Variants in TRAPPC9 observed in about 807,000 individuals in gnomAD.
The protein encoded by TRAPPC9 is trafficking protein particle complex subunit 9.
A neutral mutation model predicts 124.0 loss-of-function variants in TRAPPC9; 83 were observed. The ratio of observed to expected loss-of-function variants is 0.67; its 90% CI spans 0.56 to 0.80. TRAPPC9 has a LOEUF of 0.80. Ranked by LOEUF, TRAPPC9 falls within the 30% of genes least tolerant of loss-of-function variation. The pLI is 0.00. For missense variants in TRAPPC9, 1,302 were observed against 1,508.3 expected (o/e 0.86, Z 2.27); for synonymous variants, 638 against 617.5 (o/e 1.03, Z -0.49).
intron 20 of TRAPPC9, among the ~76,000 whole-genome samples, chr8:139,899,660 T>A (rs1365898949): frequency 4.6e-5 from 7 of 152,100 alleles, no homozygotes; most frequent in Non-Finnish European, 1.0e-4. Context: ...AGAGGCCCCA[T>A]CCCATCTTCC....
At chr8:140,188,596 C>T (rs2062402936) in intron 17 of TRAPPC9, among the ~76,000 whole-genome samples, 1 of 152,230 alleles carries the variant, frequency 6.6e-6, no homozygotes, top group African/African-American at 2.4e-5. Context: ...CCCGACCACA[C>T]TGGCCTATCC....
At chr8:139,988,677 G>A (rs1837419313) in intron 19 of TRAPPC9, 49 bp downstream of exon 19, 1 of 1,283,354 alleles carries the variant, frequency 7.8e-7, no homozygotes, top group Non-Finnish European at 1.1e-6. Context: ...GCAGCGTGGT[G>A]AAGGCAGAGG....
At chr8:140,345,117 C>A (rs549527368) in intron 9 of TRAPPC9, among the ~76,000 whole-genome samples, 2 of 152,390 alleles carry the variant, frequency 1.3e-5, no homozygotes, top group South Asian at 4.1e-4. Context: ...GAAGTACAGG[C>A]ACCATGAATG....
chr8:140,113,866 T>G (rs1412731447), intron 17 of TRAPPC9, among the ~76,000 whole-genome samples: 1 of 152,188 alleles, frequency 6.6e-6, no homozygotes, highest in Non-Finnish European at 1.5e-5. Flanking sequence ...ACCCTCTACA[T>G]GTCCACATTA....
intron 21 of TRAPPC9, among the ~76,000 whole-genome samples, chr8:139,846,187 A>G (rs1179580976): frequency 2.0e-5 from 3 of 152,254 alleles, no homozygotes; most frequent in Admixed American, 6.5e-5. Context: ...GAAGCGGTAG[A>G]GGCTGTGTGA....
At chr8:139,885,577 G>A (rs1270455006) in intron 21 of TRAPPC9, among the ~76,000 whole-genome samples, 1 of 152,210 alleles carries the variant, frequency 6.6e-6, no homozygotes, top group Non-Finnish European at 1.5e-5. Context: ...TACACCAAGT[G>A]CAAGTCAAGA....
intron 19 of TRAPPC9, among the ~76,000 whole-genome samples, chr8:139,917,619 AC>A (rs903449690): frequency 1.3e-5 from 2 of 152,132 alleles, no homozygotes; most frequent in African/African-American, 2.4e-5. Flanking sequence ...CTGTGGGCCC[AC>A]CCCGCTGCCA....
chr8:140,068,608 C>A (rs1384406536), intron 17 of TRAPPC9, among the ~76,000 whole-genome samples: 1 of 152,142 alleles, frequency 6.6e-6, no homozygotes, highest in Admixed American at 6.5e-5. Context: ...GAAATCAGGC[C>A]GCTAGTTAAA....
chr8:140,454,113 A>C (rs1449083055), intron 1 of TRAPPC9, among the ~76,000 whole-genome samples: 1 of 151,606 alleles, frequency 6.6e-6, no homozygotes, highest in Non-Finnish European at 1.5e-5. Flanking sequence ...ACATGACAAA[A>C]CCCCATCTCT....
At chr8:140,311,669 G>A (rs2066302517) in intron 9 of TRAPPC9, among the ~76,000 whole-genome samples, 1 of 152,182 alleles carries the variant, frequency 6.6e-6, no homozygotes, top group Non-Finnish European at 1.5e-5. Context: ...AAGAAAGTCT[G>A]TAGGCAGGAC....
chr8:140,356,958 T>C (rs1033726364), intron 9 of TRAPPC9, among the ~76,000 whole-genome samples: 2 of 152,044 alleles, frequency 1.3e-5, no homozygotes, highest in Non-Finnish European at 2.9e-5. Context: ...AGAATCAACT[T>C]CCCCATAAGC....
intron 17 of TRAPPC9, among the ~76,000 whole-genome samples, chr8:140,051,330 C>T (rs905728015): frequency 3.9e-5 from 6 of 152,186 alleles, no homozygotes; most frequent in African/African-American, 7.2e-5. Context: ...ATCTGAACCC[C>T]GGGGGTTCCT....
At chr8:139,880,228 C>T (rs1167115357) in intron 21 of TRAPPC9, among the ~76,000 whole-genome samples, 1 of 152,142 alleles carries the variant, frequency 6.6e-6, no homozygotes, top group Non-Finnish European at 1.5e-5. Flanking sequence ...CAGGGACCAA[C>T]CCAGGTGTGC....
chr8:139,986,911 T>A (rs1191239641), intron 19 of TRAPPC9, among the ~76,000 whole-genome samples: 3 of 152,192 alleles, frequency 2.0e-5, no homozygotes, highest in Non-Finnish European at 4.4e-5. Flanking sequence ...AGTTTTTCCA[T>A]CGTAAATTGG....
intron 5 of TRAPPC9, among the ~76,000 whole-genome samples, chr8:140,415,680 AAAAACAGGCCAGGT>A (rs761433957): frequency 3.4e-4 from 52 of 151,754 alleles, no homozygotes; most frequent in Non-Finnish European, 7.1e-4. Context: ...TACATTTTTT[AAAAACAGGCCAGGT>A]GCAGTGGCTC....
intron 9 of TRAPPC9, among the ~76,000 whole-genome samples, chr8:140,312,056 G>A (rs1000151121): frequency 6.6e-6 from 1 of 152,184 alleles, no homozygotes; most frequent in Non-Finnish European, 1.5e-5. Context: ...CAGGAAGGCA[G>A]GCACTCCTGT....
intron 16 of TRAPPC9, among the ~76,000 whole-genome samples, chr8:140,251,012 GC>G (rs571273509): frequency 6.6e-6 from 1 of 152,190 alleles, no homozygotes; most frequent in South Asian, 2.1e-4. Flanking sequence ...AAAGGCAGAA[GC>G]ACAGTCATAA....
chr8:139,972,046 G>T (rs189595758), intron 19 of TRAPPC9, among the ~76,000 whole-genome samples: 1 of 151,768 alleles, frequency 6.6e-6, no homozygotes, highest in Non-Finnish European at 1.5e-5. Context: ...GGCTGATCTC[G>T]AACTCCTGAC....
intron 19 of TRAPPC9, among the ~76,000 whole-genome samples, chr8:139,930,566 CA>C (rs1380844834): frequency 3.3e-5 from 5 of 152,188 alleles, no homozygotes; most frequent in African/African-American, 1.2e-4. Flanking sequence ...ATCAAACAGA[CA>C]AAATGGTACC....
Sources: gnomAD v4.1 joint callset for allele counts (sites outside exome capture counted in the v4.1 genomes callset) on GRCh38, gnomAD v4.1.1 for gene constraint, MANE v1.5 for transcripts, NCBI Gene and HGNC (gene_info 2026-07-23, HGNC 2026-07-21) for gene names.